GATAD2B: variants seen among roughly 807,000 people sequenced by gnomAD.
The protein encoded by GATAD2B is transcriptional repressor p66-beta.
GATAD2B carries 8 observed loss-of-function variants against 64.3 expected under a neutral mutation model. The ratio of observed to expected loss-of-function variants is 0.12; its 90% CI spans 0.07 to 0.22. The LOEUF is 0.22. Ranked by LOEUF, GATAD2B falls within the 10% of genes least tolerant of loss-of-function variation. The pLI is 1.00. For synonymous variants in GATAD2B, 281 were observed against 271.3 expected (o/e 1.04, Z -0.35); for missense variants, 453 against 752.0 (o/e 0.60, Z 4.65).
chr1:153,898,519 A>C (rs1444288096), intron 1 of GATAD2B, among the ~76,000 whole-genome samples: 1 of 151,952 alleles, frequency 6.6e-6, no homozygotes, highest in East Asian at 1.9e-4. Flanking sequence ...TGAGACCAGA[A>C]GTTGGAGACC....
chr1:153,895,625 C>T (rs961118883), intron 1 of GATAD2B, among the ~76,000 whole-genome samples: 4 of 151,702 alleles, frequency 2.6e-5, no homozygotes, highest in South Asian at 2.1e-4. Context: ...ATAAAAAGAA[C>T]GGAGACATCT....
chr1:153,911,935 T>C (rs1678120769), intron 1 of GATAD2B, among the ~76,000 whole-genome samples: 2 of 152,196 alleles, frequency 1.3e-5, no homozygotes, highest in Non-Finnish European at 1.5e-5. Context: ...AAGTCACACA[T>C]AAGCTACATT....
chr1:153,872,857 GTTTT>G (rs1271138467), intron 1 of GATAD2B, among the ~76,000 whole-genome samples: 1 of 152,056 alleles, frequency 6.6e-6, no homozygotes, highest in African/African-American at 2.4e-5. Flanking sequence ...TAACAGAAGT[GTTTT>G]TTGAGTACTT....
chr1:153,902,156 T>C (rs1340657033), intron 1 of GATAD2B, among the ~76,000 whole-genome samples: 1 of 151,746 alleles, frequency 6.6e-6, no homozygotes, highest in Non-Finnish European at 1.5e-5. Context: ...GGCACATGCC[T>C]GCAATCTCAG....
intron 1 of GATAD2B, among the ~76,000 whole-genome samples, chr1:153,897,632 G>GT (rs1677635862): frequency 6.6e-6 from 1 of 152,112 alleles, no homozygotes; most frequent in African/African-American, 2.4e-5. Context: ...GCTCTAAAGT[G>GT]TAAGTTTCTG....
At chr1:153,833,978 CTTTTT>C (rs145273439) in intron 1 of GATAD2B, among the ~76,000 whole-genome samples, 13 of 149,862 alleles carry the variant, frequency 8.7e-5, no homozygotes, top group Admixed American at 4.0e-4. Flanking sequence ...GTCTCTCTCT[CTTTTT>C]TTTTATGTTT....
intron 2 of GATAD2B, among the ~76,000 whole-genome samples, chr1:153,822,585 G>C (rs555996354): frequency 1.3e-5 from 2 of 152,144 alleles, no homozygotes; most frequent in East Asian, 3.9e-4. Context: ...CAATCTCGGC[G>C]CACTGCAACC....
intron 1 of GATAD2B, among the ~76,000 whole-genome samples, chr1:153,861,568 G>A (rs959778480): frequency 6.6e-6 from 1 of 150,830 alleles, no homozygotes; most frequent in Non-Finnish European, 1.5e-5. Context: ...AGGATCACGA[G>A]GTTAGGAGTT....
chr1:153,889,152 T>C lies in GATAD2B; in HGVS notation c.-2+33581A>G, dbSNP rs183867376. On this transcript the variant is annotated intron_variant, in intron 1 of 10. Coordinates refer to ENST00000368655, the MANE Select transcript of GATAD2B (RefSeq NM_020699.4). ...GCTATACTAGAACTAGATCTAATTA[T>C]TGAATAAAAATAGAATGTATCAGGC... Among the ~76,000 whole-genome samples, 399 of 152,064 alleles carry C rather than the reference T, an allele frequency of 2.6e-3. 1 individual carries two copies. The highest frequency in any genetic ancestry group is 9.0e-3 in the African/African-American group (375 of 41,486).
intron 1 of GATAD2B, among the ~76,000 whole-genome samples, chr1:153,911,362 C>A (rs1678103700): frequency 6.6e-6 from 1 of 152,050 alleles, no homozygotes; most frequent in Non-Finnish European, 1.5e-5. Context: ...AAAGAAAGAG[C>A]TAATGTGACA....
chr1:153,862,875 C>T (rs528808670), intron 1 of GATAD2B, among the ~76,000 whole-genome samples: 1 of 152,030 alleles, frequency 6.6e-6, no homozygotes, highest in Admixed American at 6.6e-5. Flanking sequence ...CAGGCATGCG[C>T]CACCATACCC....
chr1:153,812,183 C>A (rs1674315241), intron 8 of GATAD2B, 51 bp from the exon 9 acceptor site: 9 of 894,512 alleles, frequency 1.0e-5, no homozygotes, highest in African/African-American at 2.0e-5. Context: ...ACCCAATACC[C>A]AATTTCCTTT....
At position 153,867,397 on chromosome 1, in the gene GATAD2B, C is replaced by T. The variant is rs184262726; in HGVS notation, c.-1-39049G>A. 3.3e-5 allele frequency among the ~76,000 whole-genome samples: 5 copies of T among 152,162 alleles called. No individual in the cohort carries two copies. In the East Asian group the frequency reaches 7.7e-4, roughly 23 times the overall value. On this transcript the variant is annotated intron_variant, in intron 1 of 10. Transcript: ENST00000368655. ...GACATGAATGATTATGGAAGACACC[C>T]GCTTGGGAGGCTGAGGCAAGAGGAG... is the stretch of plus-strand genomic sequence containing the variant.
At position 153,903,191 on chromosome 1, in the gene GATAD2B, C is replaced by T. The variant is rs542456542; in HGVS notation, c.-2+19542G>A. On this transcript the variant is annotated intron_variant, in intron 1 of 10. Coordinates refer to ENST00000368655, the MANE Select transcript of GATAD2B (RefSeq NM_020699.4). ...CGAGATCGCTCCACTGCACTCCAGC[C>T]TGGGCGACAGAGCGAGACTCCATCT... Among the ~76,000 whole-genome samples the T allele has an allele frequency of 9.9e-5, 15 of 151,464 alleles. No individual in the cohort carries two copies. The East Asian group carries it at 2.9e-3, about 29-fold the overall frequency.
intron 1 of GATAD2B, among the ~76,000 whole-genome samples, chr1:153,863,675 G>A (rs986588316): frequency 6.6e-6 from 1 of 151,492 alleles, no homozygotes; most frequent in Non-Finnish European, 1.5e-5. Flanking sequence ...TCAGGCTGGA[G>A]TGCAGCTGTG....
intron 1 of GATAD2B, among the ~76,000 whole-genome samples, chr1:153,919,046 CTTAAT>C (rs1678350426): frequency 2.0e-5 from 3 of 152,096 alleles, no homozygotes; most frequent in African/African-American, 7.2e-5. Flanking sequence ...TATAATTTCC[CTTAAT>C]TTCTTTAGCA....
At chr1:153,822,500 G>A (rs1008579716) in intron 2 of GATAD2B, among the ~76,000 whole-genome samples, 4 of 152,142 alleles carry the variant, frequency 2.6e-5, no homozygotes, top group African/African-American at 4.8e-5. Context: ...GCACAGATAA[G>A]GCAAAGCCAA....
intron 1 of GATAD2B, among the ~76,000 whole-genome samples, chr1:153,829,746 C>T (rs937776333): frequency 3.3e-5 from 5 of 150,636 alleles, no homozygotes; most frequent in African/African-American, 9.8e-5. Context: ...AAAGAATCAA[C>T]GAATGAATGA....
chr1:153,854,187 G>T (rs543263058), intron 1 of GATAD2B, among the ~76,000 whole-genome samples: 1 of 152,134 alleles, frequency 6.6e-6, no homozygotes, highest in South Asian at 2.1e-4. Context: ...CGGATCGTGA[G>T]GTCAGGAGAT....
Sources: gnomAD v4.1 joint callset for allele counts (sites outside exome capture counted in the v4.1 genomes callset) on GRCh38, gnomAD v4.1.1 for gene constraint, MANE v1.5 for transcripts, NCBI Gene and HGNC (gene_info 2026-07-23, HGNC 2026-07-21) for gene names.